The following PRKCH variants were observed in gnomAD, a reference collection of about 807,000 sequenced individuals.
The protein encoded by PRKCH is protein kinase C eta type.
In PRKCH, 28 loss-of-function variants were observed where a neutral mutation model predicts 82.5. The observed-to-expected ratio is 0.34, with a 90% confidence interval of 0.25 to 0.47. The LOEUF (loss-of-function observed/expected upper bound fraction) is 0.47. Among genes scored for constraint, PRKCH ranks in the 20% least tolerant of loss-of-function variants. The pLI, the probability that PRKCH is intolerant of heterozygous loss-of-function variation, is 1.00. For missense variants in PRKCH, 705 were observed against 881.8 expected, an observed-to-expected ratio of 0.80 and a Z score of 2.54; for synonymous variants, 322 against 327.4, an observed-to-expected ratio of 0.98 and a Z score of 0.18.
At position 61,366,659 on chromosome 14, in the gene PRKCH, A is replaced by G. The variant is rs558060839; in HGVS notation, c.364-24566A>G. 3.9e-4 allele frequency among the ~76,000 whole-genome samples: 59 copies of G among 152,162 alleles called. 1 individual carries two copies. Among genetic ancestry groups the G allele is most frequent in the African/African-American group, 1.3e-3 (54 of 41,436 alleles). On this transcript the variant is annotated intron_variant, in intron 1 of 13. Transcript: ENST00000332981. ...CTGTACTGTTAATTGCTTTGGGAAA[A>G]TGAGTGGTATTCATTAGGCAAGGAA... is the stretch of plus-strand genomic sequence containing the variant.
chr14:61,444,650 G>A (rs1884134836), intron 3 of PRKCH, among the ~76,000 whole-genome samples: 1 of 151,894 alleles, frequency 6.6e-6, no homozygotes, highest in Admixed American at 6.6e-5. Context: ...TTAAAATATT[G>A]GTGTATATAT....
chr14:61,468,190 C>T (rs953909241), intron 9 of PRKCH, among the ~76,000 whole-genome samples: 2 of 152,224 alleles, frequency 1.3e-5, no homozygotes, highest in Non-Finnish European at 1.5e-5. Context: ...TTCCCCCTTT[C>T]CCTGAGCAGT....
upstream of PRKCH, among the ~76,000 whole-genome samples, chr14:61,320,473 C>A (rs2045601059): frequency 6.6e-6 from 1 of 152,170 alleles, no homozygotes; most frequent in Non-Finnish European, 1.5e-5. Context: ...GTGGCGCATG[C>A]CTGTAATTCC....
chr14:61,248,133 ATTAT>A (rs903784161), intron 1 of PRKCH, among the ~76,000 whole-genome samples: 1 of 152,252 alleles, frequency 6.6e-6, no homozygotes, highest in East Asian at 1.9e-4. Context: ...CCCTGACCAC[ATTAT>A]TTATCACCTA....
chr14:61,246,278 C>T (rs560857197), intron 1 of PRKCH, among the ~76,000 whole-genome samples: 20 of 150,278 alleles, frequency 1.3e-4, no homozygotes, highest in African/African-American at 3.4e-4. Context: ...TGTGGTGGCA[C>T]GTGCCTGTAA....
intron 1 of PRKCH, among the ~76,000 whole-genome samples, chr14:61,240,761 CTTTTT>C (rs1450919047): frequency 6.6e-6 from 1 of 151,994 alleles, no homozygotes; most frequent in Admixed American, 6.6e-5. Flanking sequence ...CCCATTTGTC[CTTTTT>C]ACCCAAAATC....
At chr14:61,498,805 A>G (rs1886772432) in intron 10 of PRKCH, among the ~76,000 whole-genome samples, 2 of 152,190 alleles carry the variant, frequency 1.3e-5, no homozygotes, top group Non-Finnish European at 2.9e-5. Flanking sequence ...AAATGCTATC[A>G]CATTAGAGCT....
At chr14:61,413,345 C>T (rs1336866330) in intron 2 of PRKCH, among the ~76,000 whole-genome samples, 1 of 151,460 alleles carries the variant, frequency 6.6e-6, no homozygotes, top group Admixed American at 6.6e-5. Context: ...CCCAGCACCC[C>T]AGCTCCTTTT....
In PRKCH at chr14:61,275,985, C is replaced by T. The variant is rs547353399; in HGVS notation, c.-19+88317C>T. The stretch of plus-strand genomic sequence containing the variant: ...GGGGACGCATTTTTTCCTGAATATG[C>T]GTTGTCAGTGTATTCAGTGTATTGT... On this transcript the variant is annotated intron_variant, in intron 1 of 3. Coordinates refer to the PRKCH transcript ENST00000555185. 2.9e-4 allele frequency among the ~76,000 whole-genome samples: 44 copies of T among 152,270 alleles called. No individual in the cohort carries two copies. The South Asian group carries it at 7.5e-3, about 26-fold the overall frequency.
At chr14:61,388,265 G>A (rs1383816502) in intron 1 of PRKCH, among the ~76,000 whole-genome samples, 1 of 152,138 alleles carries the variant, frequency 6.6e-6, no homozygotes, top group African/African-American at 2.4e-5. Context: ...CTAAGGTCCA[G>A]TGTCTTACCA....
intron 1 of PRKCH, among the ~76,000 whole-genome samples, chr14:61,202,461 G>A (rs969588902): frequency 2.0e-5 from 3 of 152,166 alleles, no homozygotes; most frequent in Non-Finnish European, 4.4e-5. Context: ...TATTTGAAAG[G>A]TATTGTCTCC....
intron 9 of PRKCH, among the ~76,000 whole-genome samples, chr14:61,482,598 A>G (rs1486535794): frequency 6.6e-6 from 1 of 152,054 alleles, no homozygotes; most frequent in African/African-American, 2.4e-5. Context: ...CTGCTTCAAG[A>G]GTTGCTCATA....
chr14:61,428,076 T>TAGATACACACAC (rs377250538), intron 2 of PRKCH, among the ~76,000 whole-genome samples: 6 of 126,206 alleles, frequency 4.8e-5, no homozygotes, highest in African/African-American at 1.8e-4. Context: ...GATAGATAGA[T>TAGATACACACAC]ACACACACAC....
In PRKCH at chr14:61,449,856, GTCTCTCTCTCTCTC is replaced by G. The variant is rs149977373; in HGVS notation, c.702+636_702+649del. 4.5e-3 allele frequency among the ~76,000 whole-genome samples: 640 copies of G among 142,376 alleles called. 3 individuals are homozygous for G. Among genetic ancestry groups the G allele is most frequent in the African/African-American group, 7.1e-3 (260 of 36,744 alleles). The allele number at this position is 142,376 out of a possible 152,430, so 93.4% of individuals were successfully genotyped here. On this transcript the variant is annotated intron_variant, in intron 5 of 13. Coordinates refer to ENST00000332981, the MANE Select transcript of PRKCH (RefSeq NM_006255.5). The stretch of plus-strand genomic sequence containing the variant: ...CCTCTTAAGAAATTTCAGGGAAGAT[GTCTCTCTCTCTCTC>G]TCTCTCTCTCTCTCTCTCTCTCTCT...
chr14:61,528,822 C>T (rs931395151), intron 10 of PRKCH: 3 of 292,392 alleles, frequency 1.0e-5, no homozygotes, highest in African/African-American at 6.6e-5. Context: ...CCTACATTTT[C>T]CTGTGGTCAG....
chr14:61,549,858 C>G lies in PRKCH; in HGVS notation c.*27C>G. The G allele has an allele frequency of 6.2e-7, 1 of 1,606,662 alleles. No individual in the cohort carries two copies. ...CTTATGGGGAGTGAGAGAGAGGGCA[C>G]GAGAACCCAAAGGGAATAGAGATTC... On this transcript the variant is annotated 3_prime_UTR_variant, in exon 14 of 14. Coordinates refer to ENST00000332981, the MANE Select transcript of PRKCH (RefSeq NM_006255.5).
intron 1 of PRKCH, among the ~76,000 whole-genome samples, chr14:61,307,694 G>GT (rs769330876): frequency 8.8e-4 from 134 of 151,852 alleles, no homozygotes; most frequent in African/African-American, 2.0e-3. Context: ...CTGTTTTTTT[G>GT]TTTTTTATCA....
At chr14:61,252,934 G>T (rs1235267480) in intron 1 of PRKCH, among the ~76,000 whole-genome samples, 1 of 152,106 alleles carries the variant, frequency 6.6e-6, no homozygotes, top group Non-Finnish European at 1.5e-5. Context: ...ACAAGCAAGG[G>T]ACTCTTCTGA....
At position 61,539,191 on chromosome 14, in the gene PRKCH, C is replaced by T. The variant is rs535653591; in HGVS notation, c.1762-8552C>T. On this transcript the variant is annotated intron_variant, in intron 12 of 13. Coordinates refer to ENST00000332981, the MANE Select transcript of PRKCH (RefSeq NM_006255.5). ...GAGACTTGCCTCTAACCTTTACCTA[C>T]GGTTAATCAACATTGTCCCATGACC... 1.7e-3 allele frequency among the ~76,000 whole-genome samples: 254 copies of T among 152,214 alleles called. 1 individual carries two copies. Among genetic ancestry groups the T allele is most frequent in the African/African-American group, 5.8e-3 (242 of 41,518 alleles).
Sources: gnomAD v4.1 joint callset for allele counts (sites outside exome capture counted in the v4.1 genomes callset) on GRCh38, gnomAD v4.1.1 for gene constraint, MANE v1.5 for transcripts, NCBI Gene and HGNC (gene_info 2026-07-23, HGNC 2026-07-21) for gene names.